The following BLOC1S3 variants were observed in gnomAD, a reference collection of about 807,000 sequenced individuals.
BLOC1S3 encodes biogenesis of lysosomal organelles complex 1 subunit 3.
Under a neutral mutation model 9.1 loss-of-function variants are expected in BLOC1S3, and 7 were observed. The ratio of observed to expected loss-of-function variants is 0.77; its 90% CI spans 0.44 to 1.45. BLOC1S3 has a LOEUF of 1.45. Among genes scored for constraint, BLOC1S3 ranks in the 40% most tolerant of loss-of-function variants. The pLI is 0.01. For missense variants in BLOC1S3, 307 were observed against 315.2 expected, an observed-to-expected ratio of 0.97 and a Z score of 0.20; for synonymous variants, 145 against 158.4, an observed-to-expected ratio of 0.92 and a Z score of 0.64.
intron 3 of BLOC1S3, chr19:45,213,430 C>T: frequency 6.4e-7 from 1 of 1,555,994 alleles, no homozygotes; most frequent in Non-Finnish European, 8.7e-7. Context: ...GCCGTGGACC[C>T]CACCTGACCC....
chr19:45,184,903 C>CAAAAAAAAAAAAAAAAA (rs71338752), downstream of BLOC1S3, among the ~76,000 whole-genome samples: 32 of 48,286 alleles, frequency 6.6e-4, 3 homozygotes, highest in Non-Finnish European at 1.1e-3. Context: ...CTGTCTCAAA[C>CAAAAAAAAAAAAAAAAA]AAAAAAAAAA....
chr19:45,203,291 T>C (rs1197438587), intron 3 of BLOC1S3, among the ~76,000 whole-genome samples: 1 of 134,120 alleles, frequency 7.5e-6, no homozygotes. Flanking sequence ...TATTTATTTA[T>C]TTGAGATGGA....
At chr19:45,207,609 C>T (rs969304648) in intron 3 of BLOC1S3, among the ~76,000 whole-genome samples, 1 of 139,616 alleles carries the variant, frequency 7.2e-6, no homozygotes, top group African/African-American at 2.7e-5. Flanking sequence ...TGGTAGCGCA[C>T]ACCTATAGTC....
intron 3 of BLOC1S3, among the ~76,000 whole-genome samples, chr19:45,203,097 G>A (rs1969703115): frequency 1.3e-5 from 2 of 151,792 alleles, no homozygotes. Flanking sequence ...GGAACTGCAA[G>A]CTATACTGCC....
At chr19:45,185,534 T>A (rs1568471912), downstream of BLOC1S3, among the ~76,000 whole-genome samples, 1 of 151,976 alleles carries the variant, frequency 6.6e-6, no homozygotes, top group African/African-American at 2.4e-5. Context: ...AAATATTTGC[T>A]AACCACATTT....
At chr19:45,190,262 AT>A (rs1251093115) in intron 2 of BLOC1S3, among the ~76,000 whole-genome samples, 4 of 151,092 alleles carry the variant, frequency 2.6e-5, no homozygotes, top group Admixed American at 1.3e-4. Context: ...TCTTTTAATT[AT>A]TTCAATCTCT....
intron 3 of BLOC1S3, among the ~76,000 whole-genome samples, chr19:45,215,346 C>T (rs1424609772): frequency 1.3e-5 from 2 of 151,964 alleles, no homozygotes; most frequent in Non-Finnish European, 2.9e-5. Flanking sequence ...TGGTGCATGC[C>T]TGTGGTCCCA....
chr19:45,206,283 G>A (rs530546428), intron 3 of BLOC1S3, among the ~76,000 whole-genome samples: 35 of 148,746 alleles, frequency 2.4e-4, no homozygotes, highest in South Asian at 1.5e-3. Flanking sequence ...CTTGAACCCC[G>A]GAGGTGGAGG....
chr19:45,182,111 T>A (rs1333551433), downstream of BLOC1S3, among the ~76,000 whole-genome samples: 5 of 152,220 alleles, frequency 3.3e-5, no homozygotes, highest in African/African-American at 1.2e-4. Context: ...CTAGTAATCA[T>A]AATTTATAGT....
intron 2 of BLOC1S3, among the ~76,000 whole-genome samples, chr19:45,193,142 A>C (rs1441723127): frequency 7.8e-6 from 1 of 127,804 alleles, no homozygotes; most frequent in Non-Finnish European, 1.5e-5. Context: ...CAAAAAAAAA[A>C]AAAAAAAAAA....
intron 3 of BLOC1S3, among the ~76,000 whole-genome samples, chr19:45,212,110 C>T (rs1417749396): frequency 1.3e-5 from 2 of 152,188 alleles, no homozygotes; most frequent in African/African-American, 4.8e-5. Flanking sequence ...GCCACCAGGA[C>T]CAGGAATGGA....
At chr19:45,210,045 C>CA (rs1407957888) in intron 3 of BLOC1S3, among the ~76,000 whole-genome samples, 1 of 141,494 alleles carries the variant, frequency 7.1e-6, no homozygotes, top group East Asian at 1.9e-4. Context: ...AACTCTGTCT[C>CA]AAAAACAAAA....
intron 3 of BLOC1S3, among the ~76,000 whole-genome samples, chr19:45,208,981 A>C (rs942752370): frequency 2.4e-4 from 37 of 152,094 alleles, no homozygotes; most frequent in African/African-American, 8.9e-4. Context: ...GTCAAAGGAT[A>C]CAAATTTCAG....
chr19:45,202,139 G>C (rs940595377), intron 2 of BLOC1S3, among the ~76,000 whole-genome samples: 6 of 150,766 alleles, frequency 4.0e-5, no homozygotes, highest in African/African-American at 1.5e-4. Context: ...GTGAACCCGG[G>C]AGGCAGAGCT....
At chr19:45,216,006 G>A (rs919763172) in intron 3 of BLOC1S3, 38 of 1,592,644 alleles carry the variant, frequency 2.4e-5, no homozygotes, top group South Asian at 1.0e-4. Flanking sequence ...GCACAGGGAC[G>A]GATGCCAAGG....
chr19:45,180,063 T>C lies in BLOC1S3; in HGVS notation c.*158T>C, dbSNP rs974035116. 2.6e-5 allele frequency: 20 copies of C among 776,702 alleles called. No homozygotes were observed. In the African/African-American group the frequency reaches 3.7e-4, roughly 14 times the overall value. 48.1% of individuals were successfully genotyped at this position (776,702 alleles called of 1,614,324 possible). A position where few individuals can be genotyped will look rare whatever the true frequency, so the allele number is the denominator to read the frequency against. ...TCCGGTCCCCTTGGATAATGCTTTA[T>C]ATTGGATATAGTTCAACCCCTACTG... On this transcript the variant is annotated 3_prime_UTR_variant, in exon 2 of 2. Transcript: ENST00000433642.
intron 2 of BLOC1S3, among the ~76,000 whole-genome samples, chr19:45,191,483 T>C (rs545966736): frequency 3.4e-4 from 52 of 152,224 alleles, no homozygotes; most frequent in Non-Finnish European, 6.5e-4. Flanking sequence ...CCTGAGGATG[T>C]TCATACATTT....
chr19:45,206,191 A>T (rs1031127674), intron 3 of BLOC1S3, among the ~76,000 whole-genome samples: 10 of 151,848 alleles, frequency 6.6e-5, no homozygotes, highest in Admixed American at 2.0e-4. Context: ...CTAGTAAAAA[A>T]ATATATATAC....
chr19:45,215,026 C>T (rs754009286), intron 3 of BLOC1S3, among the ~76,000 whole-genome samples: 2 of 151,756 alleles, frequency 1.3e-5, no homozygotes, highest in Non-Finnish European at 1.5e-5. Context: ...CGTGGTGGCA[C>T]ATGCCTATAC....
Sources: allele counts gnomAD v4.1 joint callset (sites outside exome capture counted in the v4.1 genomes callset), GRCh38; gene constraint gnomAD v4.1.1; transcripts MANE v1.5; gene names NCBI Gene and HGNC (gene_info 2026-07-23, HGNC 2026-07-21).